Variants in DENND1C observed in about 807,000 individuals in gnomAD.
DENND1C encodes the protein DENN domain-containing protein 1C.
A neutral mutation model predicts 87.9 loss-of-function variants in DENND1C; 64 were observed. The observed-to-expected ratio is 0.73, with a 90% confidence interval of 0.60 to 0.90. The LOEUF is 0.90. DENND1C is among the 40% of genes least tolerant of loss of function. The pLI, the probability that DENND1C is intolerant of heterozygous loss-of-function variation, is 0.00. For missense variants in DENND1C, 980 were observed against 1,037.0 expected (o/e 0.95, Z 0.76); for synonymous variants, 384 against 424.4 (o/e 0.90, Z 1.17).
intron 14 of DENND1C, among the ~76,000 whole-genome samples, chr19:6,475,035 CAAAAACAA>C (rs1412290587): frequency 2.9e-5 from 4 of 138,806 alleles, no homozygotes; most frequent in African/African-American, 1.1e-4. Flanking sequence ...AACTCTGTCT[CAAAAACAA>C]ACAAACAAAC....
At chr19:6,469,473 A>C in intron 19 of DENND1C, 123 bp downstream of exon 19, 1 of 905,862 alleles carries the variant, frequency 1.1e-6, no homozygotes, top group Non-Finnish European at 1.7e-6. Flanking sequence ...TTGTAGAGAC[A>C]AGGCCCCACT....
chr19:6,476,936 G>A lies in DENND1C; in HGVS notation c.599C>T (p.Thr200Ile). The change falls in exon 10 of 23, where the codon ACT (threonine) becomes ATT (isoleucine). Residue 200 changes from threonine (T) to isoleucine (I), a missense_variant. Thr to Ile is a moderately conservative substitution (Grantham distance 89). Transcript: ENST00000381480. The part of the protein sequence containing the change: ...RNLTELVVAV[T>I]DENIVGLFAA... ...GAACAGCCCCACGATGTTCTCGTCA[G>A]TCACGGCCACCACCAGCTCCGTTAG... is the stretch of plus-strand genomic sequence containing the variant. 1 of 1,613,696 alleles carries A rather than the reference G, an allele frequency of 6.2e-7. No homozygotes were observed. The highest frequency in any genetic ancestry group is 8.5e-7 in the Non-Finnish European group (1 of 1,179,812).
chr19:6,478,409 AT>A (rs36008668), intron 6 of DENND1C, among the ~76,000 whole-genome samples: 7,281 of 136,046 alleles, frequency 0.054, 269 homozygotes, highest in African/African-American at 0.12. Context: ...CGGCCGGCTA[AT>A]TTTTTTTTTT....
intron 15 of DENND1C, 109 bp downstream of exon 15, chr19:6,472,780 A>G: frequency 1.2e-6 from 1 of 852,042 alleles, no homozygotes; most frequent in Non-Finnish European, 1.7e-6. Flanking sequence ...CTCCAGCTAT[A>G]CCCTCAGGGA....
intron 17 of DENND1C, among the ~76,000 whole-genome samples, 197 bp from the exon 18 acceptor site, chr19:6,470,563 GTTTTGT>G (rs200400196): frequency 0.028 from 4,175 of 147,328 alleles, 192 homozygotes; most frequent in African/African-American, 0.099. Flanking sequence ...ACACTTAAGT[GTTTTGT>G]TTTTGTTTTT....
chr19:6,470,156 C>A, intron 18 of DENND1C, 139 bp downstream of exon 18: 1 of 777,644 alleles, frequency 1.3e-6, no homozygotes, highest in Non-Finnish European at 2.1e-6. Flanking sequence ...GGTTTAACTG[C>A]TGGTTCAGTT....
Position 6,468,974 on chromosome 19 carries a change from T to C in DENND1C, c.1408-21A>G, listed in dbSNP as rs201868759. 3.7e-5 allele frequency: 49 copies of C among 1,337,580 alleles called. No individual in the cohort carries two copies. In the African/African-American group the frequency reaches 7.1e-4, roughly 19 times the overall value. 82.9% of individuals were successfully genotyped at this position (1,337,580 alleles called of 1,614,324 possible). A position where few individuals can be genotyped will look rare whatever the true frequency, so the allele number is the denominator to read the frequency against. ...CCATCCTAGGAAGAGAAGAGTGAACTGGGAACCTCTGCCACAGAGTCTCCC... is the reference window on the plus strand; with the variant it reads ...CCATCCTAGGAAGAGAAGAGTGAACCGGGAACCTCTGCCACAGAGTCTCCC... On this transcript the variant is annotated intron_variant, in intron 19 of 22. Transcript: ENST00000381480.
At position 6,476,896 on chromosome 19, in the gene DENND1C, G is replaced by T. The variant is rs11880672; in HGVS notation, c.639C>A (p.Ala213=). The change falls in exon 10 of 23, where the codon GCC becomes GCA. Residue 213 remains alanine, a synonymous_variant. Transcript: ENST00000381480. ...TGGCGGTGAGCAGGACTCTTCTCTC[G>T]GCCAGGAGCGCCGCGAACAGCCCCA... ...NIVGLFAALL[A]ERRVLLTASK... 4,021 of 1,613,126 alleles carry T rather than the reference G, an allele frequency of 2.5e-3. 95 individuals carry two copies. In the African/African-American group the frequency reaches 0.047, roughly 19 times the overall value.
chr19:6,478,831 C>T lies in DENND1C; in HGVS notation c.318G>A (p.Val106=). The T allele has an allele frequency of 6.2e-7, 1 of 1,613,766 alleles. No individual in the cohort carries two copies. The highest frequency in any genetic ancestry group is 1.1e-5 in the South Asian group (1 of 91,052). The change falls in exon 6 of 23, where the codon GTG becomes GTA. Residue 106 remains valine, a synonymous_variant. Coordinates refer to ENST00000381480, the MANE Select transcript of DENND1C (RefSeq NM_024898.4). ...CILSHLPWFE[V]FYKLLNTVGD... ...CCACTGTGTTCAATAGCTTGTAAAA[C>T]ACCTCGAACCAAGGCAGGTGGCTGT...
At chr19:6,481,639 GA>G in intron 1 of DENND1C, 39 bp downstream of exon 1, 2 of 1,612,162 alleles carry the variant, frequency 1.2e-6, no homozygotes, top group Non-Finnish European at 1.7e-6. Flanking sequence ...CCTGGCCCGG[GA>G]ATCTTGTACC....
rs774598710 is a variant in DENND1C, at chr19:6,479,959, C to G, written c.82+28G>C. 4.5e-5 allele frequency: 72 copies of G among 1,598,980 alleles called. 4 individuals are homozygous for G. The South Asian group carries it at 8.1e-4, about 18-fold the overall frequency. ...GACCCAGGCCCACCCTCCCCTCCCA[C>G]TCCCTCACTCCCAGGCTCCCAACTC... On this transcript the variant is annotated intron_variant, in intron 2 of 22. Transcript: ENST00000381480.
chr19:6,468,400 G>A lies in DENND1C; in HGVS notation c.1625C>T (p.Ala542Val), dbSNP rs35810378. The change falls in exon 22 of 23, where the codon GCA (alanine) becomes GTA (valine). Residue 542 changes from alanine (A) to valine (V), a missense_variant. Transcript: ENST00000381480. ...GAAGCTGCTGTCCAGAGCTTCTTCT[G>A]CCCACGGGCACCCCTCATCCTCAGG... Reference protein sequence around the residue: ...LSPEDEGCPWAEEALDSSFLG... With the variant: ...LSPEDEGCPWVEEALDSSFLG... 5.8e-4 allele frequency: 943 copies of A among 1,613,754 alleles called. 3 individuals carry two copies. In the African/African-American group the frequency reaches 8.7e-3, roughly 15 times the overall value.
At chr19:6,476,795 TC>T (rs1314652669) in intron 10 of DENND1C, 61 bp downstream of exon 10, 3 of 1,507,958 alleles carry the variant, frequency 2.0e-6, no homozygotes, top group African/African-American at 2.8e-5. Context: ...AGCCCCCTTG[TC>T]CCGCCCCCCG....
chr19:6,479,248 A>T (rs533715056), intron 4 of DENND1C, among the ~76,000 whole-genome samples, 192 bp from the exon 5 acceptor site: 7 of 149,202 alleles, frequency 4.7e-5, no homozygotes, highest in African/African-American at 1.8e-4. Flanking sequence ...TGGGTCCCTG[A>T]GTCCCTGGGT....
At chr19:6,481,166 C>A (rs969719190) in intron 1 of DENND1C, among the ~76,000 whole-genome samples, 1 of 151,420 alleles carries the variant, frequency 6.6e-6, no homozygotes, top group African/African-American at 2.4e-5. Context: ...CCATATCAAG[C>A]AGAAGAGGCA....
chr19:6,479,503 T>C (rs946189986), intron 4 of DENND1C, among the ~76,000 whole-genome samples, 166 bp downstream of exon 4: 1 of 151,344 alleles, frequency 6.6e-6, no homozygotes, highest in Admixed American at 6.6e-5. Context: ...TGGATGCTAA[T>C]GTATATAGGT....
At chr19:6,472,840 T>C in intron 15 of DENND1C, 49 bp downstream of exon 15, 1 of 1,409,958 alleles carries the variant, frequency 7.1e-7, no homozygotes, top group East Asian at 2.7e-5. Flanking sequence ...CCTCGGGGAC[T>C]CAGCAGTCCA....
rs149977261 is a variant in DENND1C, at chr19:6,469,008, C to A, written c.1408-55G>T. On this transcript the variant is annotated intron_variant, in intron 19 of 22. Coordinates refer to ENST00000381480, the MANE Select transcript of DENND1C (RefSeq NM_024898.4). ...CTGCCACAGAGTCTCCCCACCACCCCCTACCATTGGTCTTTAGTTAGTCTT... is the reference window on the plus strand; with the variant it reads ...CTGCCACAGAGTCTCCCCACCACCCACTACCATTGGTCTTTAGTTAGTCTT... The A allele has an allele frequency of 4.4e-4, 470 of 1,076,426 alleles. 1 individual carries two copies. The African/African-American group carries it at 6.7e-3, about 15-fold the overall frequency. The allele number at this position is 1,076,426 out of a possible 1,614,324, so 66.7% of individuals were successfully genotyped here. A position where few individuals can be genotyped will look rare whatever the true frequency, so the allele number is the denominator to read the frequency against.
rs35001260 is a variant in DENND1C at position 6,468,896 on chromosome 19, G to A, written c.1465C>T (p.Arg489Cys). Residue 489 changes from arginine (R) to cysteine (C), a missense_variant, in exon 20 of 23, where the codon CGC (arginine) becomes TGC (cysteine). Transcript: ENST00000381480. ...AGGCGTTGCTGCAGGCGGTCTGAGCGGCTGGGGAGGGCTGGGGCCCTCAGA... is the reference window on the plus strand; with the variant it reads ...AGGCGTTGCTGCAGGCGGTCTGAGCAGCTGGGGAGGGCTGGGGCCCTCAGA... ...GSLRAPALPS[R>C]SDRLQQRLPI... The A allele has an allele frequency of 0.017, 25,902 of 1,488,842 alleles. 344 individuals carry two copies. The highest frequency in any genetic ancestry group is 0.043 in the South Asian group (2,934 of 68,720). The allele number at this position is 1,488,842 out of a possible 1,614,324, so 92.2% of individuals were successfully genotyped here. A position where few individuals can be genotyped will look rare whatever the true frequency, so the allele number is the denominator to read the frequency against.
Sources: allele counts gnomAD v4.1 joint callset (sites outside exome capture counted in the v4.1 genomes callset), GRCh38; gene constraint gnomAD v4.1.1; transcripts MANE v1.5; gene names NCBI Gene and HGNC (gene_info 2026-07-23, HGNC 2026-07-21).